ACOT13: variants seen among roughly 807,000 people sequenced by gnomAD.
ACOT13 encodes the protein acyl-CoA thioesterase 13.
In ACOT13, 10 loss-of-function variants were observed where a neutral mutation model predicts 11.8. The observed-to-expected ratio is 0.85, with a 90% CI of 0.53 to 1.44. ACOT13 has a LOEUF of 1.44. ACOT13 is among the 40% of genes most tolerant of loss of function. The pLI, the probability that ACOT13 is intolerant of heterozygous loss-of-function variation, is 0.00. For missense variants in ACOT13, 172 were observed against 174.1 expected (o/e 0.99, Z 0.07); for synonymous variants, 53 against 61.0 (o/e 0.87, Z 0.61).
intron 1 of ACOT13, among the ~76,000 whole-genome samples, chr6:24,674,572 C>A (rs1378401217): frequency 6.6e-6 from 1 of 151,858 alleles, no homozygotes; most frequent in African/African-American, 2.4e-5. Flanking sequence ...CCACGCCTGG[C>A]TAATTTTCAT....
intron 1 of ACOT13, among the ~76,000 whole-genome samples, chr6:24,696,505 C>T (rs1778795949): frequency 1.3e-5 from 2 of 152,144 alleles, no homozygotes; most frequent in Admixed American, 6.5e-5. Context: ...TGGTACTTAT[C>T]TAGAATATAA....
At chr6:24,675,200 A>G (rs1480498764) in intron 1 of ACOT13, among the ~76,000 whole-genome samples, 2 of 152,292 alleles carry the variant, frequency 1.3e-5, no homozygotes, top group East Asian at 1.9e-4. Flanking sequence ...ATACATGTGC[A>G]TGTGTCTTTA....
intron 1 of ACOT13, among the ~76,000 whole-genome samples, chr6:24,697,179 T>A (rs763163022): frequency 5.3e-5 from 8 of 152,252 alleles, no homozygotes; most frequent in Non-Finnish European, 1.0e-4. Flanking sequence ...AGCAGTAACT[T>A]ACTTTGCTGG....
Position 24,696,028 on chromosome 6 carries a change from A to G in ACOT13, c.82-1855A>G, listed in dbSNP as rs185278221. Among the ~76,000 whole-genome samples the G allele has an allele frequency of 4.6e-3, 706 of 152,358 alleles. 10 individuals carry two copies. The highest frequency in any genetic ancestry group is 0.016 in the African/African-American group (684 of 41,576). On this transcript the variant is annotated intron_variant, in intron 1 of 2. Transcript: ENST00000230048. ...AGCCGAGATCAAGCCACTGCACTCC[A>G]GCCTCAGCAACAGAAAAGGACTTCA...
chr6:24,677,013 C>A (rs1206585783), intron 1 of ACOT13, among the ~76,000 whole-genome samples: 1 of 152,184 alleles, frequency 6.6e-6, no homozygotes, highest in Non-Finnish European at 1.5e-5. Context: ...CGAGTGAGGG[C>A]TATTAGTTCT....
intron 1 of ACOT13, among the ~76,000 whole-genome samples, chr6:24,692,544 C>T (rs1023080979): frequency 4.6e-5 from 7 of 151,898 alleles, no homozygotes; most frequent in African/African-American, 1.7e-4. Flanking sequence ...CAGCTTCCCT[C>T]GGAGCTGGGA....
At chr6:24,685,670 T>C (rs1778618555) in intron 1 of ACOT13, among the ~76,000 whole-genome samples, 1 of 152,112 alleles carries the variant, frequency 6.6e-6, no homozygotes, top group African/African-American at 2.4e-5. Context: ...TTTAAGGTAA[T>C]ATTAACTACA....
At chr6:24,667,398 C>A in intron 1 of ACOT13, 54 bp downstream of exon 1, 22 of 1,535,288 alleles carry the variant, frequency 1.4e-5, no homozygotes, top group Non-Finnish European at 2.0e-5. Flanking sequence ...AAAGAAAGCA[C>A]CGTGCTTGGT....
intron 1 of ACOT13, among the ~76,000 whole-genome samples, chr6:24,673,343 T>TA (rs1203057107): frequency 6.6e-6 from 1 of 151,390 alleles, no homozygotes; most frequent in Admixed American, 6.6e-5. Context: ...CTTTCAGTTT[T>TA]AAAAAAAAAT....
intron 1 of ACOT13, among the ~76,000 whole-genome samples, chr6:24,677,181 G>A (rs1002050608): frequency 1.3e-5 from 2 of 152,152 alleles, no homozygotes; most frequent in Admixed American, 1.3e-4. Context: ...ACCCCTAAAA[G>A]GTCCCCTTGA....
At chr6:24,698,547 A>G (rs1421937873) in intron 2 of ACOT13, among the ~76,000 whole-genome samples, 1 of 151,080 alleles carries the variant, frequency 6.6e-6, no homozygotes, top group Non-Finnish European at 1.5e-5. Flanking sequence ...TTATAACACT[A>G]TGAGGATTGT....
chr6:24,681,886 G>C (rs1378356419), intron 1 of ACOT13, among the ~76,000 whole-genome samples: 4 of 152,342 alleles, frequency 2.6e-5, no homozygotes, highest in African/African-American at 2.4e-5. Flanking sequence ...GTCGTGGTCA[G>C]GACCCATGAG....
intron 1 of ACOT13, among the ~76,000 whole-genome samples, chr6:24,689,751 TAAA>T (rs1778693877): frequency 6.6e-6 from 1 of 152,090 alleles, no homozygotes; most frequent in Admixed American, 6.5e-5. Context: ...AAAAATCTAA[TAAA>T]AACAGTAAGT....
chr6:24,681,540 C>G (rs1434077429), intron 1 of ACOT13, among the ~76,000 whole-genome samples: 3 of 144,218 alleles, frequency 2.1e-5, no homozygotes, highest in Non-Finnish European at 4.5e-5. Flanking sequence ...CTCTTTGACT[C>G]TGTCTTTGTC....
At position 24,700,128 on chromosome 6, in the gene ACOT13, G is replaced by C. The variant is rs554054729; in HGVS notation, c.267-1331G>C. Among the ~76,000 whole-genome samples, 24 of 152,218 alleles carry C rather than the reference G, an allele frequency of 1.6e-4. No homozygotes were observed. In the East Asian group the frequency reaches 4.4e-3, roughly 28 times the overall value. On this transcript the variant is annotated intron_variant, in intron 2 of 2. Coordinates refer to ENST00000230048, the MANE Select transcript of ACOT13 (RefSeq NM_018473.4). ...AGGATGCCTGTTAGACTGTGACTTA[G>C]GTTAAAAACAAGCGAGGTTCCAAAA...
intron 1 of ACOT13, among the ~76,000 whole-genome samples, chr6:24,683,135 A>G (rs1019820729): frequency 6.6e-6 from 1 of 152,198 alleles, no homozygotes; most frequent in Non-Finnish European, 1.5e-5. Flanking sequence ...GCTGGTACCA[A>G]GCACTGATAG....
chr6:24,684,494 C>T (rs566290874), intron 1 of ACOT13, among the ~76,000 whole-genome samples: 23 of 152,184 alleles, frequency 1.5e-4, no homozygotes, highest in African/African-American at 5.3e-4. Context: ...TACATCCTTG[C>T]CTAAGTTGGC....
At position 24,684,554 on chromosome 6, in the gene ACOT13, A is replaced by AAATACAG. The variant is rs1778599970; in HGVS notation, c.82-13328_82-13327insATACAGA. On this transcript the variant is annotated intron_variant, in intron 1 of 2. Transcript: ENST00000230048. ...AAGACTGATATGCCCGTTGAACCAGAAGTTGCAGTACGGCTGAAGTGTCCA... is the reference window on the plus strand; with the variant it reads ...AAGACTGATATGCCCGTTGAACCAGAAATACAGAGTTGCAGTACGGCTGAAGTGTCCA... 4.6e-5 allele frequency among the ~76,000 whole-genome samples: 7 copies of AAATACAG among 152,204 alleles called. No individual in the cohort carries two copies. In the South Asian group the frequency reaches 1.2e-3, roughly 27 times the overall value.
At position 24,671,406 on chromosome 6, in the gene ACOT13, G is replaced by T. The variant is rs1778362903; in HGVS notation, c.81+4062G>T. Among the ~76,000 whole-genome samples, 3 of 144,018 alleles carry T rather than the reference G, an allele frequency of 2.1e-5. No individual in the cohort carries two copies. In the Admixed American group the frequency reaches 2.2e-4, roughly 11 times the overall value. 94.5% of individuals were successfully genotyped at this position (144,018 alleles called of 152,430 possible). On this transcript the variant is annotated intron_variant, in intron 1 of 2. Coordinates refer to ENST00000230048, the MANE Select transcript of ACOT13 (RefSeq NM_018473.4). Reference sequence around the variant, plus strand: ...ATGTTCTCACTCATAGTTGGGAATTGAACAATGAGAACATTTGGACACAGG... The same window carrying T: ...ATGTTCTCACTCATAGTTGGGAATTTAACAATGAGAACATTTGGACACAGG...
Sources: gnomAD v4.1 joint callset for allele counts (sites outside exome capture counted in the v4.1 genomes callset) on GRCh38, gnomAD v4.1.1 for gene constraint, MANE v1.5 for transcripts, NCBI Gene and HGNC (gene_info 2026-07-23, HGNC 2026-07-21) for gene names.